NTNG1: variants seen among roughly 807,000 people sequenced by gnomAD.
NTNG1 encodes netrin-G1.
Under a neutral mutation model 54.0 loss-of-function variants are expected in NTNG1, and 16 were observed. The observed-to-expected ratio is 0.30, with a 90% confidence interval of 0.20 to 0.45. The LOEUF is 0.45. Among genes scored for constraint, NTNG1 ranks in the 20% least tolerant of loss-of-function variants. The pLI, the probability that NTNG1 is intolerant of heterozygous loss-of-function variation, is 1.00. For missense variants in NTNG1, 530 were observed against 678.7 expected (o/e 0.78, Z 2.43); for synonymous variants, 255 against 263.1 (o/e 0.97, Z 0.30).
intron 2 of NTNG1, among the ~76,000 whole-genome samples, chr1:107,222,295 C>T (rs146726679): frequency 2.2e-4 from 34 of 152,180 alleles, no homozygotes; most frequent in Middle Eastern, 3.4e-3. Context: ...GACTATATAA[C>T]CTATTGGCTA....
At chr1:107,191,712 A>T (rs2101201212) in intron 2 of NTNG1, among the ~76,000 whole-genome samples, 1 of 150,910 alleles carries the variant, frequency 6.6e-6, no homozygotes, top group South Asian at 2.1e-4. Flanking sequence ...TGTTTTTCTC[A>T]GGTTTGTCAA....
intron 3 of NTNG1, among the ~76,000 whole-genome samples, chr1:107,364,910 GT>G (rs1670504281): frequency 6.6e-6 from 1 of 152,078 alleles, no homozygotes; most frequent in Admixed American, 6.6e-5. Flanking sequence ...CATTCATTAT[GT>G]AAAAAAGTAC....
intron 7 of NTNG1, among the ~76,000 whole-genome samples, chr1:107,439,677 A>G (rs1675841347): frequency 6.6e-6 from 1 of 152,064 alleles, no homozygotes; most frequent in African/African-American, 2.4e-5. Context: ...ATGTTAAAAT[A>G]TAGAAATTCT....
chr1:107,339,293 T>A (rs1360855257), intron 3 of NTNG1, among the ~76,000 whole-genome samples: 1 of 152,058 alleles, frequency 6.6e-6, no homozygotes, highest in Non-Finnish European at 1.5e-5. Flanking sequence ...TTCTTCTGTG[T>A]TCCAGGGTGA....
intron 7 of NTNG1, among the ~76,000 whole-genome samples, chr1:107,465,966 T>A (rs495260): frequency 0.94 from 143,222 of 152,166 alleles, 67,571 homozygotes; most frequent in South Asian, 0.98. Context: ...TGTGGGAAGG[T>A]GGTATGTAAG....
chr1:107,473,419 A>C (rs1281633297), intron 7 of NTNG1, among the ~76,000 whole-genome samples: 1 of 152,194 alleles, frequency 6.6e-6, no homozygotes, highest in Non-Finnish European at 1.5e-5. Context: ...TGGCAACACC[A>C]AGTCCTGGCT....
intron 3 of NTNG1, among the ~76,000 whole-genome samples, chr1:107,389,964 G>A (rs576567903): frequency 1.6e-4 from 24 of 152,268 alleles, no homozygotes; most frequent in Admixed American, 9.8e-4. Context: ...TCTACACATC[G>A]TGAGGCCGGA....
chr1:107,339,328 G>C (rs1024396100), intron 3 of NTNG1, among the ~76,000 whole-genome samples: 1 of 152,006 alleles, frequency 6.6e-6, no homozygotes, highest in Non-Finnish European at 1.5e-5. Context: ...GCAATGAAGT[G>C]TTCTGGAAAT....
chr1:107,439,907 T>C (rs1430917234), intron 7 of NTNG1, among the ~76,000 whole-genome samples: 4 of 151,998 alleles, frequency 2.6e-5, no homozygotes. Context: ...CTCACACACA[T>C]GAATGCACTC....
At chr1:107,425,748 A>T (rs1479730161) in intron 5 of NTNG1, among the ~76,000 whole-genome samples, 2 of 152,142 alleles carry the variant, frequency 1.3e-5, no homozygotes, top group Non-Finnish European at 1.5e-5. Flanking sequence ...TCTTTGAGAT[A>T]TCTCCATACT....
At chr1:107,278,047 A>G (rs766810363) in intron 2 of NTNG1, among the ~76,000 whole-genome samples, 1 of 152,080 alleles carries the variant, frequency 6.6e-6, no homozygotes, top group African/African-American at 2.4e-5. Flanking sequence ...GCTCAATCCC[A>G]CTCTAGTTCC....
intron 2 of NTNG1, among the ~76,000 whole-genome samples, chr1:107,316,355 A>G (rs1254760838): frequency 1.3e-5 from 2 of 152,172 alleles, no homozygotes; most frequent in Non-Finnish European, 2.9e-5. Flanking sequence ...GAAACTCACA[A>G]TTCTGAGACT....
intron 2 of NTNG1, among the ~76,000 whole-genome samples, chr1:107,171,858 A>G (rs939819561): frequency 5.9e-5 from 9 of 152,080 alleles, no homozygotes; most frequent in African/African-American, 2.2e-4. Flanking sequence ...TCACATTGAA[A>G]CATAGGATAC....
intron 7 of NTNG1, among the ~76,000 whole-genome samples, chr1:107,475,504 T>A (rs189169765): frequency 4.3e-4 from 66 of 152,242 alleles, no homozygotes; most frequent in African/African-American, 1.5e-3. Flanking sequence ...TACTAAAGGG[T>A]CTGTCTTAGA....
intron 2 of NTNG1, among the ~76,000 whole-genome samples, chr1:107,174,579 A>G (rs1656498843): frequency 6.6e-6 from 1 of 151,830 alleles, no homozygotes; most frequent in South Asian, 2.1e-4. Context: ...CATGGGGTCT[A>G]TGCCTATGAC....
At chr1:107,286,636 G>A (rs186419182) in intron 2 of NTNG1, among the ~76,000 whole-genome samples, 163 of 152,288 alleles carry the variant, frequency 1.1e-3, no homozygotes, top group African/African-American at 3.7e-3. Context: ...GGGTGAAAGT[G>A]AGAAAAGAGA....
chr1:107,144,942 C>T (rs1653998600), intron 1 of NTNG1, among the ~76,000 whole-genome samples: 1 of 152,018 alleles, frequency 6.6e-6, no homozygotes, highest in South Asian at 2.1e-4. Flanking sequence ...AGAACTGGAG[C>T]TGCCCAGAGC....
chr1:107,374,365 A>C (rs1374645864), intron 3 of NTNG1, among the ~76,000 whole-genome samples: 1 of 152,068 alleles, frequency 6.6e-6, no homozygotes, highest in East Asian at 1.9e-4. Flanking sequence ...TTCCAGTTAC[A>C]CATGTCTTAG....
In NTNG1 at chr1:107,400,159, C is replaced by A. The variant is rs929462026; in HGVS notation, c.1060+4833C>A. ...AATATGCTAGATACTAAATTCATTT[C>A]TTTCCCCTAAAGCATTTTTCTCTTC... On this transcript the variant is annotated intron_variant, in intron 4 of 7. Transcript: ENST00000370068. Among the ~76,000 whole-genome samples, 4 of 152,124 alleles carry A rather than the reference C, an allele frequency of 2.6e-5. 1 individual carries two copies. Among genetic ancestry groups the A allele is most frequent in the Non-Finnish European group, 5.9e-5 (4 of 68,008 alleles).
Sources: gnomAD v4.1 joint callset for allele counts (sites outside exome capture counted in the v4.1 genomes callset) on GRCh38, gnomAD v4.1.1 for gene constraint, MANE v1.5 for transcripts, NCBI Gene and HGNC (gene_info 2026-07-23, HGNC 2026-07-21) for gene names.